TNNI1: variants seen among roughly 807,000 people sequenced by gnomAD.
TNNI1 encodes the protein troponin I1, slow skeletal type.
TNNI1 carries 14 observed loss-of-function variants against 26.7 expected under a neutral mutation model. The observed-to-expected ratio is 0.52, with a 90% CI of 0.35 to 0.82. The LOEUF is 0.82. Ranked by LOEUF, TNNI1 falls within the 40% of genes least tolerant of loss-of-function variation. The pLI, the probability that TNNI1 is intolerant of heterozygous loss-of-function variation, is 0.01. For missense variants in TNNI1, 164 were observed against 257.0 expected (o/e 0.64, Z 2.47); for synonymous variants, 79 against 98.2 (o/e 0.80, Z 1.16).
chr1:201,417,871 C>T (rs983186159), intron 1 of TNNI1, 59 bp from the exon 2 acceptor site: 4 of 1,273,302 alleles, frequency 3.1e-6, no homozygotes, highest in Admixed American at 6.3e-5. Flanking sequence ...CCCTGCCCAG[C>T]TGGGCCTTGG....
chr1:201,417,219 G>T, intron 2 of TNNI1, 100 bp from the exon 3 acceptor site: 1 of 1,515,758 alleles, frequency 6.6e-7, no homozygotes, highest in South Asian at 1.1e-5. Flanking sequence ...TCACAGACCA[G>T]CTTGGGGGAG....
intron 3 of TNNI1, among the ~76,000 whole-genome samples, chr1:201,416,677 C>T (rs552537977): frequency 6.6e-6 from 1 of 152,212 alleles, no homozygotes; most frequent in African/African-American, 2.4e-5. Context: ...GCTCCTCAAT[C>T]AATGTTCAGC....
chr1:201,414,728 GC>G (rs1662704641), intron 4 of TNNI1, 79 bp from the exon 5 acceptor site: 2 of 1,572,490 alleles, frequency 1.3e-6, no homozygotes, highest in African/African-American at 2.7e-5. Flanking sequence ...GGCAGCCACA[GC>G]CTGGGCCAAC....
In TNNI1 at chr1:201,408,532, G is replaced by C. The variant is rs1662569789; in HGVS notation, c.*721C>G. On this transcript the variant is annotated 3_prime_UTR_variant, in exon 9 of 9. Coordinates refer to ENST00000361379, the MANE Select transcript of TNNI1 (RefSeq NM_003281.4). The stretch of plus-strand genomic sequence containing the variant: ...AGTTAATCCAGGTTTGCAGAGGAAG[G>C]AGAGTATGAAAGCCGGCAGGAGAAG... 1 of 152,548 alleles carries C rather than the reference G, an allele frequency of 6.6e-6. No individual in the cohort carries two copies. The highest frequency in any genetic ancestry group is 1.5e-5 in the Non-Finnish European group (1 of 68,248). The allele number at this position is 152,548 out of a possible 1,614,324, so 9.4% of individuals were successfully genotyped here. A position where few individuals can be genotyped will look rare whatever the true frequency, so the allele number is the denominator to read the frequency against.
rs1476044624 is a variant in TNNI1, at chr1:201,404,040, C to T, written c.*5213G>A. On this transcript the variant is annotated 3_prime_UTR_variant, in exon 9 of 9. Transcript: ENST00000361379. ...AAACGTATGCGTGTCCTGGTTACTTCCTCCAGGGACATTCCACCAGGCAGG... is the reference window on the plus strand; with the variant it reads ...AAACGTATGCGTGTCCTGGTTACTTTCTCCAGGGACATTCCACCAGGCAGG... 1 of 152,164 alleles carries T rather than the reference C, an allele frequency of 6.6e-6. No homozygotes were observed. Among genetic ancestry groups the T allele is most frequent in the Non-Finnish European group, 1.5e-5 (1 of 68,028 alleles). The allele number at this position is 152,164 out of a possible 1,614,324, so 9.4% of individuals were successfully genotyped here. A position where few individuals can be genotyped will look rare whatever the true frequency, so the allele number is the denominator to read the frequency against.
chr1:201,417,722 T>G, intron 2 of TNNI1, 61 bp downstream of exon 2: 1 of 1,302,394 alleles, frequency 7.7e-7, no homozygotes. Flanking sequence ...ACTGCGGGGC[T>G]GAAGTCTGTG....
In TNNI1 at chr1:201,409,157, G is replaced by A. The variant is rs1662587619; in HGVS notation, c.*96C>T. The A allele has an allele frequency of 6.6e-6, 1 of 152,508 alleles. No homozygotes were observed. Among genetic ancestry groups the A allele is most frequent in the South Asian group, 2.1e-4 (1 of 4,828 alleles). 9.4% of individuals were successfully genotyped at this position (152,508 alleles called of 1,614,324 possible). Reference sequence around the variant, plus strand: ...GAGGGAAGAAGTGGGGGAGAGGTGGGAAGGGATGCTCCAGACACAGGCAGA... The same window carrying A: ...GAGGGAAGAAGTGGGGGAGAGGTGGAAAGGGATGCTCCAGACACAGGCAGA... On this transcript the variant is annotated 3_prime_UTR_variant, in exon 9 of 9. Coordinates refer to ENST00000361379, the MANE Select transcript of TNNI1 (RefSeq NM_003281.4).
At chr1:201,415,394 C>T in intron 3 of TNNI1, 140 bp from the exon 4 acceptor site, 1 of 850,906 alleles carries the variant, frequency 1.2e-6, no homozygotes, top group Non-Finnish European at 1.9e-6. Context: ...GCCTTAAAAG[C>T]TCATCTTTGT....
rs12141855 is a variant in TNNI1, at chr1:201,406,879, G to C, written c.*2374C>G. ...TGCCTGGAAGCAGAAGGAGGAACCC[G>C]ATGACCTCCAGGAACCCTCTGGTTG... On this transcript the variant is annotated 3_prime_UTR_variant, in exon 9 of 9. Coordinates refer to ENST00000361379, the MANE Select transcript of TNNI1 (RefSeq NM_003281.4). 49,621 of 152,296 alleles carry C rather than the reference G, an allele frequency of 0.33. 10,009 individuals are homozygous for C. Among genetic ancestry groups the C allele is most frequent in the South Asian group, 0.45 (2,150 of 4,818 alleles). The allele number at this position is 152,296 out of a possible 1,614,324, so 9.4% of individuals were successfully genotyped here. A position where few individuals can be genotyped will look rare whatever the true frequency, so the allele number is the denominator to read the frequency against.
intron 2 of TNNI1, 104 bp from the exon 3 acceptor site, chr1:201,417,223 G>C (rs534299787): frequency 1.0e-4 from 147 of 1,455,300 alleles, no homozygotes; most frequent in Non-Finnish European, 6.8e-6. Flanking sequence ...AGACCAGCTT[G>C]GGGGAGGAGG....
chr1:201,415,902 G>A (rs771756122), intron 3 of TNNI1, among the ~76,000 whole-genome samples: 5 of 152,118 alleles, frequency 3.3e-5, no homozygotes, highest in Non-Finnish European at 7.3e-5. Flanking sequence ...GTCCCTCAGG[G>A]TTGGCAAAGG....
chr1:201,410,476 G>T (rs199658986), intron 7 of TNNI1, 41 bp from the exon 8 acceptor site: 257 of 1,571,082 alleles, frequency 1.6e-4, no homozygotes, highest in Non-Finnish European at 2.2e-4. Context: ...TTACCAGGCT[G>T]GACGGCCCCC....
rs760100998 is a variant in TNNI1, at chr1:201,413,131, G to A, written c.190-10C>T. On this transcript the variant is annotated splice_polypyrimidine_tract_variant and intron_variant, in intron 5 of 8. Coordinates refer to ENST00000361379, the MANE Select transcript of TNNI1 (RefSeq NM_003281.4). Reference sequence around the variant, plus strand: ...GCTCCCGGCACAGGTCCTGGGGGCCGCAGATGGATCATGCAGGTGTGAAGA... The same window carrying A: ...GCTCCCGGCACAGGTCCTGGGGGCCACAGATGGATCATGCAGGTGTGAAGA... The A allele has an allele frequency of 2.2e-5, 35 of 1,613,612 alleles. No individual in the cohort carries two copies. The highest frequency in any genetic ancestry group is 5.5e-5 in the South Asian group (5 of 91,088).
chr1:201,410,421 C>A lies in TNNI1; in HGVS notation c.471G>T (p.Glu157Asp). Residue 157 changes from glutamate (E) to aspartate (D), a missense_variant, in exon 8 of 9, where the codon GAG becomes GAT. Around this residue, in one of 3 missense-constraint regions of TNNI1, gnomAD observed 43 missense variants for 74.3 expected, o/e 0.58. Coordinates refer to ENST00000361379, the MANE Select transcript of TNNI1 (RefSeq NM_003281.4). ...CCACGTTCTTCCTCCAGTCACCCAC[C>A]TCCACAGGCCGCTCCTGTAGACAAG... is the stretch of plus-strand genomic sequence containing the variant. Reference protein sequence around the residue: ...KEDTEKERPVEVGDWRKNVEA... With the variant: ...KEDTEKERPVDVGDWRKNVEA... 6.2e-7 allele frequency: 1 copy of A among 1,614,164 alleles called. No homozygotes were observed. The highest frequency in any genetic ancestry group is 8.5e-7 in the Non-Finnish European group (1 of 1,180,008).
At chr1:201,420,870 G>GC (rs1447382482) in intron 1 of TNNI1, among the ~76,000 whole-genome samples, 1 of 152,178 alleles carries the variant, frequency 6.6e-6, no homozygotes, top group Admixed American at 6.5e-5. Flanking sequence ...GCTGCCTTCA[G>GC]CCCCCACCTG....
In TNNI1 at chr1:201,411,031, TGACCA is replaced by T. The variant is rs1222980838; in HGVS notation, c.456+321_456+325del. ...GAGCTGCTGTCTCCTTTCCCTGTGG[TGACCA>T]GGCAGTCATCTCCACCATTACCCTA... is the stretch of plus-strand genomic sequence containing the variant. On this transcript the variant is annotated intron_variant, in intron 7 of 8. Transcript: ENST00000361379. The surrounding 1 kb of genome is among the most constrained non-coding windows in gnomAD (Gnocchi z 4.6). Among the ~76,000 whole-genome samples, 1 of 152,236 alleles carries T rather than the reference TGACCA, an allele frequency of 6.6e-6. No individual in the cohort carries two copies. The highest frequency in any genetic ancestry group is 1.5e-5 in the Non-Finnish European group (1 of 68,032).
At chr1:201,410,835 TCTC>T (rs1454633983) in intron 7 of TNNI1, among the ~76,000 whole-genome samples, 1 of 152,216 alleles carries the variant, frequency 6.6e-6, no homozygotes, top group African/African-American at 2.4e-5. Flanking sequence ...GCTTATCTCT[TCTC>T]CTCTGAAGCT....
In TNNI1 at chr1:201,414,565, G is replaced by T; in HGVS notation, c.142C>A (p.Arg48Ser). Residue 48 changes from arginine to serine, a missense_variant, in exon 5 of 9, where the codon CGC (arginine) becomes AGC (serine). This residue lies in a region of TNNI1 where 117 missense variants were observed against 158.7 expected (regional missense o/e 0.74). Transcript: ENST00000361379. ...CCACGGGTCTGCAGCGTGGGGATGCGCTCTGCCAGGTAGCGCACCTTCTCA... is the reference window on the plus strand; with the variant it reads ...CCACGGGTCTGCAGCGTGGGGATGCTCTCTGCCAGGTAGCGCACCTTCTCA... The part of the protein sequence containing the change: ...EAEKVRYLAE[R>S]IPTLQTRGLS... The T allele has an allele frequency of 6.2e-7, 1 of 1,613,290 alleles. No homozygotes were observed. The highest frequency in any genetic ancestry group is 8.5e-7 in the Non-Finnish European group (1 of 1,179,874).
chr1:201,414,392 G>A, intron 5 of TNNI1, 126 bp downstream of exon 5: 1 of 775,650 alleles, frequency 1.3e-6, no homozygotes, highest in Non-Finnish European at 2.0e-6. Flanking sequence ...CCATGTAAGG[G>A]AGGAGTGCCC....
Sources: gnomAD v4.1 joint callset for allele counts (sites outside exome capture counted in the v4.1 genomes callset) on GRCh38, gnomAD v4.1.1 for gene constraint, gnomAD v4.1.1 regional missense constraint, Gnocchi (gnomAD v3.1) non-coding constraint, MANE v1.5 for transcripts, NCBI Gene and HGNC (gene_info 2026-07-23, HGNC 2026-07-21) for gene names.